Variants in FMN2 observed in about 807,000 individuals in gnomAD.
FMN2 encodes formin-2.
Under a neutral mutation model 142.3 loss-of-function variants are expected in FMN2, and 51 were observed. The observed-to-expected ratio is 0.36, with a 90% CI of 0.29 to 0.45. The LOEUF is 0.45. FMN2 is among the 20% of genes least tolerant of loss of function. FMN2 has a pLI of 1.00. For missense variants in FMN2, 1,936 were observed against 2,122.8 expected, an observed-to-expected ratio of 0.91 and a Z score of 1.73; for synonymous variants, 882 against 869.8, an observed-to-expected ratio of 1.01 and a Z score of -0.25.
intron 6 of FMN2, among the ~76,000 whole-genome samples, chr1:240,237,644 A>T (rs924096003): frequency 1.3e-5 from 2 of 152,134 alleles, no homozygotes; most frequent in African/African-American, 4.8e-5. Context: ...TTGGAGCATT[A>T]AGATAATCAG....
At position 240,092,325 on chromosome 1, in the gene FMN2, C is replaced by T. The variant is rs781469086; in HGVS notation, c.216C>T (p.Ala72=). 1 of 1,607,412 alleles carries T rather than the reference C, an allele frequency of 6.2e-7. No homozygotes were observed. The highest frequency in any genetic ancestry group is 8.5e-7 in the Non-Finnish European group (1 of 1,176,226). Residue 72 remains alanine, a synonymous_variant, in exon 1 of 18, where the codon GCC becomes GCT. Transcript: ENST00000319653. ...AGAAGAGCAAGTCCGACTCCAGAGC[C>T]TCGGTGTTTTCCAACCTGCGGATCA... ...GKKKSKSDSR[A]SVFSNLRIRK...
At chr1:240,250,630 A>AT (rs917051645) in intron 6 of FMN2, among the ~76,000 whole-genome samples, 95 of 151,052 alleles carry the variant, frequency 6.3e-4, no homozygotes, top group Non-Finnish European at 1.1e-3. Flanking sequence ...CTTCTCTTCT[A>AT]TTTTTTTTGG....
rs1676136309 is a variant in FMN2 at position 240,453,767 on chromosome 1, A to AAATAACT, written c.5060+15557_5060+15558insAATAACT. On this transcript the variant is annotated intron_variant, in intron 16 of 17. Coordinates refer to ENST00000319653, the MANE Select transcript of FMN2 (RefSeq NM_020066.5). ...CACTTTGGGAGGCCGAGGCGGGTGG[A>AAATAACT]TCATGAGGTCAGGAGATCGAGACCA... 1.8e-4 allele frequency among the ~76,000 whole-genome samples: 2 copies of AAATAACT among 10,818 alleles called. 1 individual carries two copies. The highest frequency in any genetic ancestry group is 4.3e-4 in the African/African-American group (2 of 4,602). 7.1% of individuals were successfully genotyped at this position (10,818 alleles called of 152,430 possible).
chr1:240,384,342 A>C (rs2103086109), intron 14 of FMN2, among the ~76,000 whole-genome samples: 1 of 152,330 alleles, frequency 6.6e-6, no homozygotes, highest in South Asian at 2.1e-4. Flanking sequence ...GCAAAAATAA[A>C]TAAAATGAAC....
At chr1:240,104,195 C>T (rs562781547) in intron 1 of FMN2, among the ~76,000 whole-genome samples, 159 of 149,504 alleles carry the variant, frequency 1.1e-3, no homozygotes, top group Non-Finnish European at 2.0e-3. Context: ...TGTTATATAG[C>T]ATATATAAGC....
chr1:240,468,734 G>T (rs1676715570), intron 16 of FMN2, among the ~76,000 whole-genome samples: 1 of 152,212 alleles, frequency 6.6e-6, no homozygotes, highest in African/African-American at 2.4e-5. Flanking sequence ...AGGAGAGAAA[G>T]TGGATGGAAC....
At chr1:240,147,018 T>C (rs1348414404) in intron 2 of FMN2, among the ~76,000 whole-genome samples, 2 of 151,324 alleles carry the variant, frequency 1.3e-5, no homozygotes, top group African/African-American at 4.9e-5. Context: ...TTAATGAATC[T>C]AAGTGAGTCT....
chr1:240,206,275 A>C (rs1666348523), intron 4 of FMN2, among the ~76,000 whole-genome samples: 1 of 152,146 alleles, frequency 6.6e-6, no homozygotes, highest in Non-Finnish European at 1.5e-5. Context: ...AAAATATTAA[A>C]GTTCTAGTAA....
intron 8 of FMN2, among the ~76,000 whole-genome samples, chr1:240,316,833 T>C (rs910777193): frequency 6.6e-6 from 1 of 152,190 alleles, no homozygotes; most frequent in Non-Finnish European, 1.5e-5. Flanking sequence ...TAGCATCTTA[T>C]AAAACTATAG....
At chr1:240,340,447 G>T (rs192886455) in intron 13 of FMN2, among the ~76,000 whole-genome samples, 1 of 152,094 alleles carries the variant, frequency 6.6e-6, no homozygotes, top group African/African-American at 2.4e-5. Context: ...CGGGCATGGT[G>T]GTGGGCGCCT....
chr1:240,359,593 C>T (rs1483478899), intron 14 of FMN2, among the ~76,000 whole-genome samples: 1 of 152,192 alleles, frequency 6.6e-6, no homozygotes, highest in Non-Finnish European at 1.5e-5. Flanking sequence ...CCCTCCCTAT[C>T]TTCCTAGTTC....
At chr1:240,302,363 G>C (rs999013202) in intron 8 of FMN2, among the ~76,000 whole-genome samples, 2 of 151,622 alleles carry the variant, frequency 1.3e-5, no homozygotes, top group African/African-American at 4.8e-5. Flanking sequence ...TCGGGACCCA[G>C]AATATTGAAA....
chr1:240,167,326 C>T (rs1184487307), intron 2 of FMN2, among the ~76,000 whole-genome samples: 1 of 143,172 alleles, frequency 7.0e-6, no homozygotes, highest in Admixed American at 6.8e-5. Flanking sequence ...TTTGCTCTGA[C>T]ACCCAGGCTG....
At chr1:240,118,648 T>A (rs887985345) in intron 1 of FMN2, among the ~76,000 whole-genome samples, 1 of 152,096 alleles carries the variant, frequency 6.6e-6, no homozygotes, top group East Asian at 1.9e-4. Context: ...TAGTGACCAA[T>A]ATGAGGCTGT....
At chr1:240,314,727 C>CT (rs1237323828) in intron 8 of FMN2, among the ~76,000 whole-genome samples, 2 of 152,028 alleles carry the variant, frequency 1.3e-5, no homozygotes, top group East Asian at 1.9e-4. Context: ...TTTATTATGA[C>CT]TTTTTTTGGT....
At chr1:240,411,299 G>A (rs188129498) in intron 15 of FMN2, among the ~76,000 whole-genome samples, 4 of 152,108 alleles carry the variant, frequency 2.6e-5, no homozygotes, top group East Asian at 1.9e-4. Context: ...TCGGCCGGGC[G>A]CGGTGTTTCA....
chr1:240,415,888 T>C (rs890710900), intron 15 of FMN2, among the ~76,000 whole-genome samples: 1 of 152,158 alleles, frequency 6.6e-6, no homozygotes, highest in Non-Finnish European at 1.5e-5. Context: ...ATGTTAGATA[T>C]ATTCGTTTTG....
At chr1:240,112,050 A>C (rs917045802) in intron 1 of FMN2, among the ~76,000 whole-genome samples, 1 of 152,072 alleles carries the variant, frequency 6.6e-6, no homozygotes, top group Admixed American at 6.5e-5. Context: ...AATATGTAAT[A>C]TGTGTGATCA....
chr1:240,447,766 C>A (rs907721360), intron 16 of FMN2, among the ~76,000 whole-genome samples: 34 of 152,048 alleles, frequency 2.2e-4, no homozygotes, highest in Non-Finnish European at 4.4e-4. Flanking sequence ...GCGGGGGGTA[C>A]AAAATGCCCT....
Sources: allele counts gnomAD v4.1 joint callset (sites outside exome capture counted in the v4.1 genomes callset), GRCh38; gene constraint gnomAD v4.1.1; transcripts MANE v1.5; gene names NCBI Gene and HGNC (gene_info 2026-07-23, HGNC 2026-07-21).